PLEKHA2: variants seen among roughly 807,000 people sequenced by gnomAD.
The protein encoded by PLEKHA2 is pleckstrin homology domain containing A2.
Under a neutral mutation model 53.2 loss-of-function variants are expected in PLEKHA2, and 28 were observed. That is an observed-to-expected ratio of 0.53 (90% confidence interval 0.39 to 0.72). The LOEUF (loss-of-function observed/expected upper bound fraction) is 0.72. Among genes scored for constraint, PLEKHA2 ranks in the 30% least tolerant of loss-of-function variants. PLEKHA2 has a pLI of 0.00. For missense variants in PLEKHA2, 426 were observed against 537.9 expected (o/e 0.79, Z 2.06); for synonymous variants, 193 against 196.4 (o/e 0.98, Z 0.14).
At chr8:38,913,910 G>A (rs142821594) in intron 1 of PLEKHA2, among the ~76,000 whole-genome samples, 1 of 152,180 alleles carries the variant, frequency 6.6e-6, no homozygotes, top group Non-Finnish European at 1.5e-5. Flanking sequence ...TGGAGCTGGG[G>A]CGGAAGCTTT....
intron 1 of PLEKHA2, 149 bp from the exon 2 acceptor site, chr8:38,917,758 G>A: frequency 1.2e-6 from 1 of 846,582 alleles, no homozygotes; most frequent in Non-Finnish European, 1.8e-6. Flanking sequence ...CATTGGGAGA[G>A]GTTTCCAGGG....
At chr8:38,925,265 C>T (rs73615959) in intron 2 of PLEKHA2, among the ~76,000 whole-genome samples, 1,598 of 152,276 alleles carry the variant, frequency 0.01, 28 homozygotes, top group African/African-American at 0.037. Flanking sequence ...TGGTTCCCGT[C>T]ATGATAGAGG....
Position 38,957,361 on chromosome 8 carries a change from C to T in PLEKHA2, c.812C>T (p.Thr271Ile). 2 of 1,613,318 alleles carry T rather than the reference C, an allele frequency of 1.2e-6. No individual in the cohort carries two copies. Among genetic ancestry groups the T allele is most frequent in the Non-Finnish European group, 1.7e-6 (2 of 1,179,308 alleles). Residue 271 changes from threonine to isoleucine, a missense_variant, in exon 10 of 12, where the codon ACA becomes ATA. Physicochemically the swap from Thr to Ile is moderately conservative, Grantham distance 89. Coordinates refer to ENST00000617275, the MANE Select transcript of PLEKHA2 (RefSeq NM_021623.2). Reference protein sequence around the residue: ...LMRDNLFEIITSSRTFYVQAD... With the variant: ...LMRDNLFEIIISSRTFYVQAD... ...AGGGACAACCTGTTTGAAATAATAACAAGCTCCAGGACCTTCTACGTACAG... is the reference window on the plus strand; with the variant it reads ...AGGGACAACCTGTTTGAAATAATAATAAGCTCCAGGACCTTCTACGTACAG...
Position 38,931,833 on chromosome 8 carries a change from T to A in PLEKHA2, c.142-4161T>A, listed in dbSNP as rs912839434. Among the ~76,000 whole-genome samples the A allele has an allele frequency of 4.3e-4, 65 of 152,254 alleles. No individual in the cohort carries two copies. The Middle Eastern group carries it at 0.014, about 32-fold the overall frequency. On this transcript the variant is annotated intron_variant, in intron 2 of 11. Coordinates refer to ENST00000617275, the MANE Select transcript of PLEKHA2 (RefSeq NM_021623.2). ...CCGAGAACAGAGTCCAAGGCTAGAT[T>A]TTGTCCTGTTGACCAGCTGTTCTTA... is the stretch of plus-strand genomic sequence containing the variant.
At chr8:38,914,404 A>G (rs2152365933) in intron 1 of PLEKHA2, among the ~76,000 whole-genome samples, 1 of 152,352 alleles carries the variant, frequency 6.6e-6, no homozygotes. Flanking sequence ...AATCTGCCTG[A>G]TGTCAGCCTG....
At chr8:38,921,656 C>G (rs1234662447) in intron 2 of PLEKHA2, among the ~76,000 whole-genome samples, 1 of 152,246 alleles carries the variant, frequency 6.6e-6, no homozygotes, top group Non-Finnish European at 1.5e-5. Context: ...CTTACTCTTT[C>G]CTGCTAGCTG....
chr8:38,949,253 G>C (rs1379205656), intron 5 of PLEKHA2, among the ~76,000 whole-genome samples: 1 of 150,574 alleles, frequency 6.6e-6, no homozygotes, highest in African/African-American at 2.4e-5. Context: ...CTAACAAAAT[G>C]AAAGATTTCC....
Position 38,970,037 on chromosome 8 carries a change from T to C in PLEKHA2, c.*254T>C. On this transcript the variant is annotated 3_prime_UTR_variant, in exon 12 of 12. Transcript: ENST00000617275. The stretch of plus-strand genomic sequence containing the variant: ...CACTAGGTTAGAACTGTAGGCATAC[T>C]CAGTGGAGAGGAAGCTACCTATTCT... The C allele has an allele frequency of 1.7e-6, 1 of 573,094 alleles. No individual in the cohort carries two copies. The highest frequency in any genetic ancestry group is 3.0e-6 in the Non-Finnish European group (1 of 331,854). 35.5% of individuals were successfully genotyped at this position (573,094 alleles called of 1,614,324 possible).
intron 10 of PLEKHA2, among the ~76,000 whole-genome samples, chr8:38,965,886 T>C (rs1237064126): frequency 6.6e-6 from 1 of 152,190 alleles, no homozygotes; most frequent in Non-Finnish European, 1.5e-5. Context: ...CTAATTGAGG[T>C]CATTTAATTC....
At chr8:38,949,062 A>C (rs1248061320) in intron 5 of PLEKHA2, among the ~76,000 whole-genome samples, 1 of 151,868 alleles carries the variant, frequency 6.6e-6, no homozygotes, top group African/African-American at 2.4e-5. Context: ...GTAGAGACGG[A>C]ATTTCACTAT....
intron 10 of PLEKHA2, among the ~76,000 whole-genome samples, chr8:38,965,736 G>GC (rs1454371871): frequency 6.6e-6 from 1 of 152,084 alleles, no homozygotes; most frequent in Non-Finnish European, 1.5e-5. Flanking sequence ...TATGGAGAGG[G>GC]CAATGCGCTT....
rs182143491 is a variant in PLEKHA2, at chr8:38,929,209, G to A, written c.142-6785G>A. On this transcript the variant is annotated intron_variant, in intron 2 of 11. Coordinates refer to ENST00000617275, the MANE Select transcript of PLEKHA2 (RefSeq NM_021623.2). The stretch of plus-strand genomic sequence containing the variant: ...CGTCCCCTCCCTCCGTCTCCTGCTA[G>A]CTGCTTTTTACTGTCTGCTGGACAC... 2.0e-3 allele frequency among the ~76,000 whole-genome samples: 310 copies of A among 152,308 alleles called. 5 individuals are homozygous for A. The highest frequency in any genetic ancestry group is 0.019 in the Admixed American group (292 of 15,302).
At position 38,970,000 on chromosome 8, in the gene PLEKHA2, AT is replaced by A; in HGVS notation, c.*220del. The A allele has an allele frequency of 1.5e-6, 1 of 656,950 alleles. No individual in the cohort carries two copies. Among genetic ancestry groups the A allele is most frequent in the South Asian group, 2.1e-5 (1 of 47,690 alleles). The allele number at this position is 656,950 out of a possible 1,614,324, so 40.7% of individuals were successfully genotyped here. A position where few individuals can be genotyped will look rare whatever the true frequency, so the allele number is the denominator to read the frequency against. On this transcript the variant is annotated 3_prime_UTR_variant, in exon 12 of 12. Coordinates refer to ENST00000617275, the MANE Select transcript of PLEKHA2 (RefSeq NM_021623.2). Reference sequence around the variant, plus strand: ...GTGTAATATCAACGCAGTGTATTTAATTTGGGGAAGTCACTAGGTTAGAACT... The same window carrying A: ...GTGTAATATCAACGCAGTGTATTTAATTGGGGAAGTCACTAGGTTAGAACT...
chr8:38,964,366 C>T (rs868228362), intron 10 of PLEKHA2, among the ~76,000 whole-genome samples: 10 of 152,198 alleles, frequency 6.6e-5, no homozygotes, highest in South Asian at 4.1e-4. Flanking sequence ...CTGAGTTCCA[C>T]CTCCTGTCGG....
At chr8:38,913,587 T>C (rs2152365593) in intron 1 of PLEKHA2, among the ~76,000 whole-genome samples, 1 of 152,292 alleles carries the variant, frequency 6.6e-6, no homozygotes, top group East Asian at 1.9e-4. Flanking sequence ...TGGTTGGGCA[T>C]CAAGGGAGTT....
At chr8:38,927,376 T>C (rs1039335811) in intron 2 of PLEKHA2, among the ~76,000 whole-genome samples, 6 of 151,946 alleles carry the variant, frequency 3.9e-5, no homozygotes, top group African/African-American at 1.5e-4. Flanking sequence ...CGTGGTGGCA[T>C]ATGTCTGTAG....
At chr8:38,948,085 C>CAAAAA (rs386412587) in intron 5 of PLEKHA2, among the ~76,000 whole-genome samples, 8 of 119,044 alleles carry the variant, frequency 6.7e-5, no homozygotes, top group African/African-American at 9.4e-5. Flanking sequence ...GACTCCATCT[C>CAAAAA]AAAAAAAAAA....
chr8:38,943,917 C>A, intron 4 of PLEKHA2, 80 bp downstream of exon 4: 2 of 1,203,202 alleles, frequency 1.7e-6, no homozygotes, highest in Non-Finnish European at 2.3e-6. Flanking sequence ...GTCCTGTGAT[C>A]ACATGTGACT....
intron 1 of PLEKHA2, among the ~76,000 whole-genome samples, chr8:38,907,818 T>TTATGTATGTATG (rs79770085): frequency 1.4e-4 from 21 of 147,288 alleles, no homozygotes; most frequent in East Asian, 6.1e-4. Context: ...GCCACTTATT[T>TTATGTATGTATG]TATGTATGTA....
Sources: allele counts gnomAD v4.1 joint callset (sites outside exome capture counted in the v4.1 genomes callset), GRCh38; gene constraint gnomAD v4.1.1; transcripts MANE v1.5; gene names NCBI Gene and HGNC (gene_info 2026-07-23, HGNC 2026-07-21).